Variants in CPQ observed in about 807,000 individuals in gnomAD.
CPQ encodes carboxypeptidase Q.
A neutral mutation model predicts 45.7 loss-of-function variants in CPQ; 37 were observed. The observed-to-expected ratio is 0.81, with a 90% CI of 0.62 to 1.07. CPQ has a LOEUF of 1.07. Ranked by LOEUF, CPQ falls within the 50% of genes least tolerant of loss-of-function variation. CPQ has a pLI of 0.00. For missense variants in CPQ, 537 were observed against 572.9 expected (o/e 0.94, Z 0.64); for synonymous variants, 186 against 205.8 (o/e 0.90, Z 0.82).
chr8:96,709,422 A>C (rs1298011918), intron 1 of CPQ, among the ~76,000 whole-genome samples: 1 of 149,888 alleles, frequency 6.7e-6, no homozygotes, highest in African/African-American at 2.4e-5. Context: ...TTCAAAGTAC[A>C]TTAGTTCATT....
chr8:96,900,239 A>C (rs535982706), intron 4 of CPQ, among the ~76,000 whole-genome samples: 1 of 152,314 alleles, frequency 6.6e-6, no homozygotes, highest in Non-Finnish European at 1.5e-5. Context: ...GGAATGTGTA[A>C]GTTAACAATG....
chr8:97,054,257 A>G (rs1177028448), intron 6 of CPQ, among the ~76,000 whole-genome samples: 1 of 152,194 alleles, frequency 6.6e-6, no homozygotes, highest in Non-Finnish European at 1.5e-5. Context: ...GGCCATTATT[A>G]AAAAATCAGA....
At chr8:96,688,841 T>G (rs956917296) in intron 1 of CPQ, among the ~76,000 whole-genome samples, 7 of 152,176 alleles carry the variant, frequency 4.6e-5, no homozygotes, top group African/African-American at 7.2e-5. Flanking sequence ...TTAAGACAAT[T>G]GCTACCTTAA....
In CPQ at chr8:96,812,941, A is replaced by G. The variant is rs73277782; in HGVS notation, c.434-22032A>G. The stretch of plus-strand genomic sequence containing the variant: ...ATGTTTGTCATCAAGCCTGACAGTG[A>G]TATGGGTCCTCACTCAAATACAGTG... On this transcript the variant is annotated intron_variant, in intron 2 of 7. Coordinates refer to ENST00000220763, the MANE Select transcript of CPQ (RefSeq NM_016134.4). Among the ~76,000 whole-genome samples, 378 of 151,980 alleles carry G rather than the reference A, an allele frequency of 2.5e-3. 3 individuals carry two copies. The highest frequency in any genetic ancestry group is 8.6e-3 in the African/African-American group (357 of 41,478).
Position 97,099,747 on chromosome 8 carries a change from G to A in CPQ, c.1255+33537G>A, listed in dbSNP as rs530294371. On this transcript the variant is annotated intron_variant, in intron 7 of 7. Coordinates refer to ENST00000220763, the MANE Select transcript of CPQ (RefSeq NM_016134.4). Reference sequence around the variant, plus strand: ...TGGGACTTTCTGGTCATGTCTCTGCGAAATGGATATTTTGGATCTTGCTTT... The same window carrying A: ...TGGGACTTTCTGGTCATGTCTCTGCAAAATGGATATTTTGGATCTTGCTTT... Among the ~76,000 whole-genome samples, 182 of 152,218 alleles carry A rather than the reference G, an allele frequency of 1.2e-3. 1 individual carries two copies. Among genetic ancestry groups the A allele is most frequent in the South Asian group, 1.7e-3 (8 of 4,824 alleles).
At chr8:96,771,430 G>A (rs957081272) in intron 1 of CPQ, among the ~76,000 whole-genome samples, 4 of 151,932 alleles carry the variant, frequency 2.6e-5, no homozygotes, top group African/African-American at 9.7e-5. Flanking sequence ...TTTTAAGCAG[G>A]TAGAATTGAG....
intron 7 of CPQ, among the ~76,000 whole-genome samples, chr8:97,114,261 G>T (rs1220890498): frequency 6.6e-6 from 1 of 152,224 alleles, no homozygotes; most frequent in Non-Finnish European, 1.5e-5. Flanking sequence ...CATAGTGCAG[G>T]TTTCCTTTCT....
chr8:96,651,497 G>A lies in CPQ; in HGVS notation c.-35+6095G>A, dbSNP rs147053594. ...CTTTATGCATCAAACATTTAAAAAT[G>A]CATATCTTTAAAACATGTAAAACTA... On this transcript the variant is annotated intron_variant, in intron 1 of 7. Coordinates refer to ENST00000220763, the MANE Select transcript of CPQ (RefSeq NM_016134.4). Among the ~76,000 whole-genome samples the A allele has an allele frequency of 2.0e-3, 299 of 152,296 alleles. 9 individuals are homozygous for A. The East Asian group carries it at 0.051, about 26-fold the overall frequency.
At chr8:96,787,284 GTCAT>G (rs1365319342) in intron 2 of CPQ, among the ~76,000 whole-genome samples, 1 of 151,888 alleles carries the variant, frequency 6.6e-6, no homozygotes, top group African/African-American at 2.4e-5. Context: ...TTTGAATGTG[GTCAT>G]TCAGTTGTCT....
rs74880337 is a variant in CPQ at position 97,068,141 on chromosome 8, A to T, written c.1255+1931A>T. ...TTTTTTGTTGTGTTTGATCATTGAG[A>T]CTTGGCTCTAGCTTTTTTCCTTCAC... On this transcript the variant is annotated intron_variant, in intron 7 of 7. Transcript: ENST00000220763. 4.2e-3 allele frequency among the ~76,000 whole-genome samples: 633 copies of T among 152,240 alleles called. 7 individuals are homozygous for T. Among genetic ancestry groups the T allele is most frequent in the African/African-American group, 0.014 (599 of 41,552 alleles).
chr8:97,118,315 T>A (rs1811631171), intron 7 of CPQ, among the ~76,000 whole-genome samples: 1 of 152,184 alleles, frequency 6.6e-6, no homozygotes. Flanking sequence ...GTGATTCTAG[T>A]CCTGGCTCAG....
chr8:96,964,083 GTTTTC>G (rs1055991847), intron 4 of CPQ, among the ~76,000 whole-genome samples: 1 of 136,140 alleles, frequency 7.3e-6, no homozygotes, highest in Non-Finnish European at 1.6e-5. Flanking sequence ...CATTTCATGA[GTTTTC>G]TTTCTTTTTT....
At chr8:96,677,749 C>G (rs1809095638) in intron 1 of CPQ, among the ~76,000 whole-genome samples, 1 of 152,008 alleles carries the variant, frequency 6.6e-6, no homozygotes, top group Non-Finnish European at 1.5e-5. Flanking sequence ...TTTGCCTAAG[C>G]CAATGTCTAG....
At chr8:96,712,004 C>T (rs965652623) in intron 1 of CPQ, among the ~76,000 whole-genome samples, 2 of 152,160 alleles carry the variant, frequency 1.3e-5, no homozygotes, top group Admixed American at 6.5e-5. Context: ...GGGATACAGA[C>T]ATTGGGTAAA....
intron 5 of CPQ, among the ~76,000 whole-genome samples, chr8:96,990,668 G>A (rs1809078190): frequency 6.6e-6 from 1 of 152,170 alleles, no homozygotes; most frequent in South Asian, 2.1e-4. Flanking sequence ...TCCTATCATT[G>A]TTGGGACAGA....
chr8:96,718,367 G>A (rs2130760195), intron 1 of CPQ, among the ~76,000 whole-genome samples: 1 of 152,212 alleles, frequency 6.6e-6, no homozygotes, highest in African/African-American at 2.4e-5. Flanking sequence ...TCTTCCTTCT[G>A]GTGGGTTCGT....
intron 1 of CPQ, among the ~76,000 whole-genome samples, chr8:96,646,841 C>T (rs1815524610): frequency 1.3e-5 from 2 of 152,222 alleles, no homozygotes; most frequent in African/African-American, 4.8e-5. Flanking sequence ...CTGCTCTCTT[C>T]TTTGCTGTTT....
intron 3 of CPQ, among the ~76,000 whole-genome samples, chr8:96,876,429 T>A (rs7004567): frequency 0.02 from 3,073 of 152,250 alleles, 96 homozygotes; most frequent in African/African-American, 0.067. Context: ...AAAATTTTTT[T>A]ATTATTTGAT....
At chr8:97,104,410 T>C (rs929659201) in intron 7 of CPQ, among the ~76,000 whole-genome samples, 1 of 152,186 alleles carries the variant, frequency 6.6e-6, no homozygotes, top group Non-Finnish European at 1.5e-5. Flanking sequence ...GATTTGGTCA[T>C]GTATGACTCT....
Sources: gnomAD v4.1 joint callset for allele counts (sites outside exome capture counted in the v4.1 genomes callset) on GRCh38, gnomAD v4.1.1 for gene constraint, MANE v1.5 for transcripts, NCBI Gene and HGNC (gene_info 2026-07-23, HGNC 2026-07-21) for gene names.